The following TRAF6 variants were observed in gnomAD, a reference collection of about 807,000 sequenced individuals.
The protein encoded by TRAF6 is TNF receptor-associated factor 6.
In TRAF6, 10 loss-of-function variants were observed where a neutral mutation model predicts 48.4. That is an observed-to-expected ratio of 0.21 (90% CI 0.13 to 0.35). The LOEUF (loss-of-function observed/expected upper bound fraction) is 0.35. Among genes scored for constraint, TRAF6 ranks in the 10% least tolerant of loss-of-function variants. The pLI, the probability that TRAF6 is intolerant of heterozygous loss-of-function variation, is 1.00. For missense variants in TRAF6, 397 were observed against 661.0 expected (o/e 0.60, Z 4.38); for synonymous variants, 186 against 219.6 (o/e 0.85, Z 1.35).
At chr11:36,509,870 C>T (rs1859881183) in intron 1 of TRAF6, among the ~76,000 whole-genome samples, 178 bp downstream of exon 1, 1 of 150,140 alleles carries the variant, frequency 6.7e-6, no homozygotes, top group African/African-American at 2.5e-5. Context: ...CGGGTAGGGG[C>T]GGCGTCCCTG....
intron 3 of TRAF6, 111 bp from the exon 4 acceptor site, chr11:36,497,377 TCTAATGCACACCACAGA>T: frequency 1.0e-6 from 1 of 990,442 alleles, no homozygotes; most frequent in South Asian, 1.8e-5. Flanking sequence ...ACCTACTTTG[TCTAATGCACACCACAGA>T]ACCATTCACA....
At position 36,485,213 on chromosome 11, in the gene TRAF6, C is replaced by CA. The variant is rs1209272304; in HGVS notation, c.*4624dup. Among the ~76,000 whole-genome samples, 5 of 151,964 alleles carry CA rather than the reference C, an allele frequency of 3.3e-5. No homozygotes were observed. Among genetic ancestry groups the CA allele is most frequent in the African/African-American group, 4.8e-5 (2 of 41,322 alleles). On this transcript the variant is annotated 3_prime_UTR_variant, in exon 7 of 7. Coordinates refer to ENST00000526995, the MANE Select transcript of TRAF6 (RefSeq NM_004620.4). Reference sequence around the variant, plus strand: ...TTCATCAAGTGCTGAAGAAAAAAAGCAAAAAAAGTAACATCTGCGCCTTAC... The same window carrying CA: ...TTCATCAAGTGCTGAAGAAAAAAAGCAAAAAAAAGTAACATCTGCGCCTTAC...
chr11:36,484,090 C>T lies in TRAF6; in HGVS notation c.*5748G>A, dbSNP rs531143710. 2.0e-4 allele frequency among the ~76,000 whole-genome samples: 30 copies of T among 152,260 alleles called. No homozygotes were observed. In the South Asian group the frequency reaches 2.7e-3, roughly 14 times the overall value. On this transcript the variant is annotated 3_prime_UTR_variant, in exon 7 of 7. Transcript: ENST00000526995. ...GGAGTCCTTCAATCTTAAGTCAGCC[C>T]AGCAATTCAGTTGTATTGACCTGAT...
intron 1 of TRAF6, among the ~76,000 whole-genome samples, chr11:36,506,799 G>A (rs992363690): frequency 9.9e-5 from 15 of 152,148 alleles, no homozygotes; most frequent in Non-Finnish European, 1.6e-4. Context: ...CACGCTTTAA[G>A]ATGCAATCCA....
At chr11:36,500,566 TCTTA>T (rs1240685093) in intron 2 of TRAF6, among the ~76,000 whole-genome samples, 2 of 152,186 alleles carry the variant, frequency 1.3e-5, no homozygotes, top group African/African-American at 4.8e-5. Context: ...GATGACATCA[TCTTA>T]CTTATTTTAC....
intron 1 of TRAF6, among the ~76,000 whole-genome samples, chr11:36,507,918 C>G (rs1387018799): frequency 1.3e-5 from 2 of 149,286 alleles, no homozygotes; most frequent in African/African-American, 2.5e-5. Context: ...TGCAGTGGCA[C>G]GATCATGGCT....
Position 36,510,029 on chromosome 11 carries a change from G to T in TRAF6, c.-23+19C>A, listed in dbSNP as rs1186175188. On this transcript the variant is annotated intron_variant, in intron 1 of 6. Transcript: ENST00000526995. ...GCGAGGCGGCGGCCGCCAGGAGGAG[G>T]CGCCTGAAGGAGACTCACCGTTCTA... 4.6e-5 allele frequency: 7 copies of T among 152,394 alleles called. No individual in the cohort carries two copies. The highest frequency in any genetic ancestry group is 4.6e-4 in the Admixed American group (7 of 15,286). The allele number at this position is 152,394 out of a possible 1,614,324, so 9.4% of individuals were successfully genotyped here.
rs1859451173 is a variant in TRAF6, at chr11:36,484,311, C to A, written c.*5527G>T. On this transcript the variant is annotated 3_prime_UTR_variant, in exon 7 of 7. Transcript: ENST00000526995. The stretch of plus-strand genomic sequence containing the variant: ...CTTTTCATGATTAGTGTTTCCCCAC[C>A]CTTATCTTTGCATTCACTCCCTCTC... 6.6e-6 allele frequency among the ~76,000 whole-genome samples: 1 copy of A among 152,202 alleles called. No individual in the cohort carries two copies. Among genetic ancestry groups the A allele is most frequent in the South Asian group, 2.1e-4 (1 of 4,830 alleles).
intron 1 of TRAF6, among the ~76,000 whole-genome samples, chr11:36,505,617 A>G (rs557405757): frequency 3.4e-4 from 52 of 152,320 alleles, no homozygotes; most frequent in African/African-American, 9.6e-4. Flanking sequence ...AGTTCACTGG[A>G]GTACCACTTT....
chr11:36,483,948 G>C lies in TRAF6; in HGVS notation c.*5890C>G, dbSNP rs1161944723. 6.6e-6 allele frequency among the ~76,000 whole-genome samples: 1 copy of C among 152,154 alleles called. No individual in the cohort carries two copies. Among genetic ancestry groups the C allele is most frequent in the Non-Finnish European group, 1.5e-5 (1 of 68,038 alleles). ...CAAGGAACACTTTTGGTCATACCTT[G>C]CAACCAGTACTGAGACATGACATAA... On this transcript the variant is annotated 3_prime_UTR_variant, in exon 7 of 7. Coordinates refer to ENST00000526995, the MANE Select transcript of TRAF6 (RefSeq NM_004620.4).
In TRAF6 at chr11:36,487,411, C is replaced by A. The variant is rs1414747369; in HGVS notation, c.*2427G>T. On this transcript the variant is annotated 3_prime_UTR_variant, in exon 7 of 7. Transcript: ENST00000526995. ...TCTACTTTGTAGTCAAGATGAATGACCAGCATAAAATAACTGGCTGGTTTA... is the reference window on the plus strand; with the variant it reads ...TCTACTTTGTAGTCAAGATGAATGAACAGCATAAAATAACTGGCTGGTTTA... 2.0e-5 allele frequency: 3 copies of A among 152,172 alleles called. No individual in the cohort carries two copies. Among genetic ancestry groups the A allele is most frequent in the Non-Finnish European group, 4.4e-5 (3 of 68,030 alleles). The allele number at this position is 152,172 out of a possible 1,614,324, so 9.4% of individuals were successfully genotyped here.
chr11:36,493,135 A>T (rs1590635933), intron 5 of TRAF6, among the ~76,000 whole-genome samples: 1 of 152,140 alleles, frequency 6.6e-6, no homozygotes, highest in East Asian at 1.9e-4. Flanking sequence ...CAATGGGGAG[A>T]CTCAGATGTT....
At chr11:36,497,063 T>A in intron 4 of TRAF6, 45 bp downstream of exon 4, 5 of 1,598,170 alleles carry the variant, frequency 3.1e-6, no homozygotes, top group Non-Finnish European at 4.3e-6. Flanking sequence ...TTAAGAACAA[T>A]ATTTTAAGAA....
chr11:36,497,035 AC>A, intron 4 of TRAF6, 72 bp downstream of exon 4: 2 of 1,482,508 alleles, frequency 1.3e-6, no homozygotes, highest in Non-Finnish European at 1.8e-6. Flanking sequence ...TCTACTGCTA[AC>A]CCCCTCAAGT....
chr11:36,485,085 A>T lies in TRAF6; in HGVS notation c.*4753T>A, dbSNP rs1859462168. Among the ~76,000 whole-genome samples, 1 of 152,186 alleles carries T rather than the reference A, an allele frequency of 6.6e-6. No individual in the cohort carries two copies. Among genetic ancestry groups the T allele is most frequent in the Non-Finnish European group, 1.5e-5 (1 of 68,030 alleles). ...AACTTGAAGTCTCATTAAAAGTAAC[A>T]TCTATCAAGTGATAAAGCAAATGTA... On this transcript the variant is annotated 3_prime_UTR_variant, in exon 7 of 7. Coordinates refer to ENST00000526995, the MANE Select transcript of TRAF6 (RefSeq NM_004620.4).
At chr11:36,508,282 G>C (rs1017600476) in intron 1 of TRAF6, among the ~76,000 whole-genome samples, 1 of 151,788 alleles carries the variant, frequency 6.6e-6, no homozygotes, top group African/African-American at 2.4e-5. Context: ...CCCTTTTGCA[G>C]TTGCGAAATC....
intron 1 of TRAF6, 42 bp downstream of exon 1, chr11:36,510,006 G>C (rs557135496): frequency 6.6e-6 from 1 of 152,522 alleles, no homozygotes; most frequent in Admixed American, 6.5e-5. Context: ...GCTGGGAAGC[G>C]AGGCGGCGGC....
chr11:36,502,511 A>G (rs775468333), intron 1 of TRAF6, among the ~76,000 whole-genome samples: 1 of 152,128 alleles, frequency 6.6e-6, no homozygotes. Flanking sequence ...GATATCATTC[A>G]AGAAACAGAA....
intron 5 of TRAF6, among the ~76,000 whole-genome samples, chr11:36,493,397 A>G (rs1485415765): frequency 1.3e-5 from 2 of 152,202 alleles, no homozygotes; most frequent in East Asian, 3.8e-4. Flanking sequence ...ACAGGGGCCA[A>G]TAAAATTTTT....
Sources: gnomAD v4.1 joint callset for allele counts (sites outside exome capture counted in the v4.1 genomes callset) on GRCh38, gnomAD v4.1.1 for gene constraint, MANE v1.5 for transcripts, NCBI Gene and HGNC (gene_info 2026-07-23, HGNC 2026-07-21) for gene names.